TATDN1: variants seen among roughly 807,000 people sequenced by gnomAD.
The protein encoded by TATDN1 is deoxyribonuclease TATDN1.
In TATDN1, 40 loss-of-function variants were observed where a neutral mutation model predicts 46.4. The ratio of observed to expected loss-of-function variants is 0.86; its 90% CI spans 0.67 to 1.12. The LOEUF is 1.12. Ranked by LOEUF, TATDN1 falls within the 50% of genes most tolerant of loss-of-function variation. The pLI, the probability that TATDN1 is intolerant of heterozygous loss-of-function variation, is 0.00. For synonymous variants in TATDN1, 95 were observed against 105.6 expected (o/e 0.90, Z 0.62); for missense variants, 326 against 348.4 (o/e 0.94, Z 0.51).
At chr8:124,502,700 C>T (rs778605815) in intron 9 of TATDN1, among the ~76,000 whole-genome samples, 7 of 152,200 alleles carry the variant, frequency 4.6e-5, no homozygotes, top group Admixed American at 1.3e-4. Context: ...CATAGGTTTG[C>T]TCATGTGGTA....
chr8:124,501,856 C>T (rs1418434792), intron 9 of TATDN1, among the ~76,000 whole-genome samples: 1 of 151,880 alleles, frequency 6.6e-6, no homozygotes, highest in Non-Finnish European at 1.5e-5. Flanking sequence ...CACACACCTT[C>T]GTGAAATTTC....
chr8:124,501,608 T>C (rs1817969099), intron 9 of TATDN1, among the ~76,000 whole-genome samples: 1 of 151,916 alleles, frequency 6.6e-6, no homozygotes, highest in Non-Finnish European at 1.5e-5. Context: ...AAAAATAGAG[T>C]ATTCAGAAAT....
At chr8:124,495,789 T>C (rs1268134727) in intron 9 of TATDN1, among the ~76,000 whole-genome samples, 2 of 152,224 alleles carry the variant, frequency 1.3e-5, no homozygotes, top group African/African-American at 2.4e-5. Flanking sequence ...TAGCGTTCTA[T>C]ATCAGTCTAA....
At chr8:124,532,081 G>T (rs1821009927) in intron 1 of TATDN1, among the ~76,000 whole-genome samples, 1 of 151,926 alleles carries the variant, frequency 6.6e-6, no homozygotes, top group Non-Finnish European at 1.5e-5. Flanking sequence ...GGAAGAGCAA[G>T]GGGGGGAGGA....
At chr8:124,513,268 T>C (rs1819187769) in intron 6 of TATDN1, among the ~76,000 whole-genome samples, 1 of 152,186 alleles carries the variant, frequency 6.6e-6, no homozygotes, top group South Asian at 2.1e-4. Flanking sequence ...AAATCTCAAG[T>C]AGAACTGCCT....
At position 124,503,670 on chromosome 8, in the gene TATDN1, T is replaced by C. The variant is rs140570929; in HGVS notation, c.593+601A>G. The stretch of plus-strand genomic sequence containing the variant: ...TTTAATAGGCTACACTGACATCCTG[T>C]GAAAAGTCACTGGTAGAAGCTCTTA... On this transcript the variant is annotated intron_variant, in intron 9 of 11. Transcript: ENST00000276692. 4.6e-5 allele frequency among the ~76,000 whole-genome samples: 7 copies of C among 152,302 alleles called. No homozygotes were observed. In the East Asian group the frequency reaches 1.3e-3, roughly 29 times the overall value.
chr8:124,514,323 TC>T (rs1819277256), intron 6 of TATDN1, among the ~76,000 whole-genome samples: 1 of 152,138 alleles, frequency 6.6e-6, no homozygotes, highest in Non-Finnish European at 1.5e-5. Flanking sequence ...AAAAATCCCT[TC>T]AGGCCATCAA....
intron 3 of TATDN1, 64 bp from the exon 4 acceptor site, chr8:124,518,945 A>G: frequency 3.8e-6 from 4 of 1,047,204 alleles, no homozygotes; most frequent in Non-Finnish European, 5.9e-6. Context: ...TTTCCTAAAC[A>G]TGCCTTCCTA....
chr8:124,537,759 A>C (rs568475160), intron 1 of TATDN1, among the ~76,000 whole-genome samples: 1 of 152,256 alleles, frequency 6.6e-6, no homozygotes, highest in South Asian at 2.1e-4. Flanking sequence ...GCAATGTCTT[A>C]TTTGACAACC....
intron 1 of TATDN1, among the ~76,000 whole-genome samples, chr8:124,527,520 A>C (rs1405434749): frequency 2.0e-5 from 3 of 152,100 alleles, no homozygotes; most frequent in Admixed American, 2.0e-4. Context: ...TTTAACGCTT[A>C]CAAAAAAAGT....
intron 11 of TATDN1, chr8:124,489,478 A>G (rs970688219): frequency 6.7e-6 from 1 of 149,890 alleles, no homozygotes; most frequent in African/African-American, 2.5e-5. Flanking sequence ...CAGTGGCACG[A>G]TCTCGGCTCA....
At chr8:124,495,351 G>T in intron 10 of TATDN1, 121 bp downstream of exon 10, 1 of 699,934 alleles carries the variant, frequency 1.4e-6, no homozygotes, top group Non-Finnish European at 2.4e-6. Flanking sequence ...TAATTGTTGA[G>T]GTTGAGCATG....
Position 124,539,080 on chromosome 8 carries a change from G to A in TATDN1, c.-34C>T. ...ATGGAGGACCTCCCCAGCGGAAGCGGAAGTGGCCGCCGGCAACTCCGCCCT... is the reference window on the plus strand; with the variant it reads ...ATGGAGGACCTCCCCAGCGGAAGCGAAAGTGGCCGCCGGCAACTCCGCCCT... On this transcript the variant is annotated 5_prime_UTR_variant, in exon 1 of 12. Coordinates refer to ENST00000276692, the MANE Select transcript of TATDN1 (RefSeq NM_032026.4). The A allele has an allele frequency of 1.2e-6, 2 of 1,611,746 alleles. No individual in the cohort carries two copies. Among genetic ancestry groups the A allele is most frequent in the Non-Finnish European group, 1.7e-6 (2 of 1,178,010 alleles).
Position 124,494,011 on chromosome 8 carries a change from T to C in TATDN1, c.665-52A>G, listed in dbSNP as rs768201092. On this transcript the variant is annotated intron_variant, in intron 10 of 11. Coordinates refer to ENST00000276692, the MANE Select transcript of TATDN1 (RefSeq NM_032026.4). Reference sequence around the variant, plus strand: ...AAGGGGTTTACATTTTTAAAAATTTTTTATGACCATTATCTAATATATAAC... The same window carrying C: ...AAGGGGTTTACATTTTTAAAAATTTCTTATGACCATTATCTAATATATAAC... 13 of 1,519,342 alleles carry C rather than the reference T, an allele frequency of 8.6e-6. 1 individual carries two copies. In the Admixed American group the frequency reaches 2.8e-4, roughly 33 times the overall value. The allele number at this position is 1,519,342 out of a possible 1,614,324, so 94.1% of individuals were successfully genotyped here. A position where few individuals can be genotyped will look rare whatever the true frequency, so the allele number is the denominator to read the frequency against.
intron 1 of TATDN1, chr8:124,523,500 A>G (rs1476971026): frequency 1.3e-5 from 2 of 152,422 alleles, no homozygotes; most frequent in Non-Finnish European, 2.9e-5. Context: ...GAGAAGAACA[A>G]TTGGCCCTCT....
In TATDN1 at chr8:124,515,914, C is replaced by T. The variant is rs1190419147; in HGVS notation, c.319G>A (p.Val107Ile). ...LNLAENNKGK[V>I]VAIGECGLDF... The stretch of plus-strand genomic sequence containing the variant: ...AGTCCGCATTCTCCTATTGCCACAA[C>T]TTTCCCTTTATTGTTTTCAGCAAGA... Residue 107 changes from valine to isoleucine, a missense_variant, in exon 5 of 12, where the codon GTT (valine) becomes ATT (isoleucine). Val to Ile is a conservative substitution (Grantham distance 29, BLOSUM62 3). Transcript: ENST00000276692. 2 of 1,613,958 alleles carry T rather than the reference C, an allele frequency of 1.2e-6. No homozygotes were observed. Among genetic ancestry groups the T allele is most frequent in the Non-Finnish European group, 8.5e-7 (1 of 1,180,002 alleles).
chr8:124,522,835 G>A (rs1820167757), intron 2 of TATDN1, 102 bp downstream of exon 2: 2 of 1,009,170 alleles, frequency 2.0e-6, no homozygotes, highest in Non-Finnish European at 3.1e-6. Context: ...GATTACAGGT[G>A]TGAGCCACAA....
chr8:124,522,959 A>G lies in TATDN1; in HGVS notation c.66T>C (p.Tyr22=). 14 of 1,613,356 alleles carry G rather than the reference A, an allele frequency of 8.7e-6. No homozygotes were observed. Among genetic ancestry groups the G allele is most frequent in the Non-Finnish European group, 1.2e-5 (14 of 1,179,690 alleles). ...TACCTTGATGCTTTTGAACCCCCCT[A>G]TAAATTCCTCTGAACATAGGGTCAG... ...NLTDPMFRGI[Y]RGVQKHQDDL... Residue 22 remains tyrosine (Y), a synonymous_variant, in exon 2 of 12, where the codon TAT becomes TAC. Coordinates refer to ENST00000276692, the MANE Select transcript of TATDN1 (RefSeq NM_032026.4).
Position 124,504,082 on chromosome 8 carries a change from G to A in TATDN1, c.593+189C>T, listed in dbSNP as rs1470672012. On this transcript the variant is annotated intron_variant, in intron 9 of 11. Coordinates refer to ENST00000276692, the MANE Select transcript of TATDN1 (RefSeq NM_032026.4). ...CATAATGTAGTAGTCTATAACTTTC[G>A]AGCTTTAACTTTTAATAGTAATGTA... is the stretch of plus-strand genomic sequence containing the variant. The A allele has an allele frequency of 1.9e-5, 14 of 755,474 alleles. No homozygotes were observed. In the South Asian group the frequency reaches 2.2e-4, roughly 12 times the overall value. The allele number at this position is 755,474 out of a possible 1,614,324, so 46.8% of individuals were successfully genotyped here. A position where few individuals can be genotyped will look rare whatever the true frequency, so the allele number is the denominator to read the frequency against.
Sources: gnomAD v4.1 joint callset for allele counts (sites outside exome capture counted in the v4.1 genomes callset) on GRCh38, gnomAD v4.1.1 for gene constraint, MANE v1.5 for transcripts, NCBI Gene and HGNC (gene_info 2026-07-23, HGNC 2026-07-21) for gene names.